SLC24A4: variants seen among roughly 807,000 people sequenced by gnomAD.
SLC24A4 encodes sodium/potassium/calcium exchanger 4.
A neutral mutation model predicts 79.0 loss-of-function variants in SLC24A4; 53 were observed. The ratio of observed to expected loss-of-function variants is 0.67; its 90% CI spans 0.54 to 0.84. The LOEUF is 0.84. Among genes scored for constraint, SLC24A4 ranks in the 40% least tolerant of loss-of-function variants. The pLI, the probability that SLC24A4 is intolerant of heterozygous loss-of-function variation, is 0.00. For synonymous variants in SLC24A4, 323 were observed against 323.8 expected (o/e 1.00, Z 0.03); for missense variants, 731 against 822.0 (o/e 0.89, Z 1.35).
chr14:92,326,090 G>A, intron 2 of SLC24A4, 112 bp downstream of exon 2: 1 of 656,146 alleles, frequency 1.5e-6, no homozygotes, highest in Admixed American at 2.6e-5. Context: ...TTATGGACTT[G>A]AGTGGGAAAG....
At chr14:92,325,453 C>T (rs866434344) in intron 1 of SLC24A4, among the ~76,000 whole-genome samples, 1 of 152,228 alleles carries the variant, frequency 6.6e-6, no homozygotes, top group Non-Finnish European at 1.5e-5. Context: ...GTGTGAGGAG[C>T]ACTGGGCCAG....
chr14:92,382,311 C>T (rs1168847637), intron 2 of SLC24A4, among the ~76,000 whole-genome samples: 1 of 152,162 alleles, frequency 6.6e-6, no homozygotes, highest in Admixed American at 6.5e-5. Flanking sequence ...GAAGTCAGAA[C>T]AGCCTTGCTC....
At chr14:92,397,835 A>G (rs1041638661) in intron 2 of SLC24A4, among the ~76,000 whole-genome samples, 3 of 152,240 alleles carry the variant, frequency 2.0e-5, no homozygotes, top group African/African-American at 7.2e-5. Context: ...TTTCCTACCA[A>G]TATTATTTTT....
At chr14:92,365,646 C>T (rs374908422) in intron 2 of SLC24A4, among the ~76,000 whole-genome samples, 1 of 152,178 alleles carries the variant, frequency 6.6e-6, no homozygotes, top group Non-Finnish European at 1.5e-5. Flanking sequence ...TTCCCCAGGG[C>T]CTGCGAGTCA....
chr14:92,427,499 C>T (rs184296116), intron 2 of SLC24A4, among the ~76,000 whole-genome samples: 2 of 152,352 alleles, frequency 1.3e-5, no homozygotes, highest in East Asian at 3.9e-4. Flanking sequence ...CTGTGGAAAA[C>T]AGGAAGGAGC....
chr14:92,382,159 C>A (rs1888891211), intron 2 of SLC24A4, among the ~76,000 whole-genome samples: 1 of 151,908 alleles, frequency 6.6e-6, no homozygotes. Flanking sequence ...TACATATATA[C>A]ACATATATAT....
At chr14:92,393,104 G>A (rs566672519) in intron 2 of SLC24A4, among the ~76,000 whole-genome samples, 29 of 150,768 alleles carry the variant, frequency 1.9e-4, no homozygotes, top group Middle Eastern at 3.4e-3. Flanking sequence ...CATAGGAGGC[G>A]TCATCTATGA....
At chr14:92,479,018 A>G (rs557660385) in intron 12 of SLC24A4, among the ~76,000 whole-genome samples, 4 of 152,204 alleles carry the variant, frequency 2.6e-5, no homozygotes, top group Non-Finnish European at 5.9e-5. Flanking sequence ...GAAAAACACA[A>G]CTGAATTTTG....
At chr14:92,381,759 G>A (rs1888864154) in intron 2 of SLC24A4, among the ~76,000 whole-genome samples, 2 of 84,916 alleles carry the variant, frequency 2.4e-5, no homozygotes, top group Admixed American at 1.3e-4. Flanking sequence ...CACCTGCAGA[G>A]CTTTAAAAAA....
At chr14:92,325,469 A>C (rs987562841) in intron 1 of SLC24A4, among the ~76,000 whole-genome samples, 12 of 152,226 alleles carry the variant, frequency 7.9e-5, no homozygotes, top group African/African-American at 2.9e-4. Context: ...GCCAGACCGC[A>C]TCAGCCTTGC....
intron 14 of SLC24A4, among the ~76,000 whole-genome samples, chr14:92,491,321 T>C (rs944378613): frequency 6.6e-6 from 1 of 152,182 alleles, no homozygotes; most frequent in Non-Finnish European, 1.5e-5. Context: ...AGTTTATTTT[T>C]ATTGTGAAGA....
chr14:92,347,163 A>T (rs868711222), intron 2 of SLC24A4, among the ~76,000 whole-genome samples: 1 of 152,140 alleles, frequency 6.6e-6, no homozygotes, highest in South Asian at 2.1e-4. Flanking sequence ...TCAATCTCCT[A>T]TTTCTTCCTC....
rs74073012 is a variant in SLC24A4 at position 92,389,790 on chromosome 14, C to T, written c.242-44122C>T. On this transcript the variant is annotated intron_variant, in intron 2 of 16. Coordinates refer to ENST00000532405, the MANE Select transcript of SLC24A4 (RefSeq NM_153646.4). ...TGGCCTTGTCCCTGCCCCCAAGCCC[C>T]AGGGGCCCGCCTGGCCTCATTAGCA... Among the ~76,000 whole-genome samples the T allele has an allele frequency of 8.4e-3, 1,279 of 152,290 alleles. 17 individuals are homozygous for T. Among genetic ancestry groups the T allele is most frequent in the African/African-American group, 0.029 (1,221 of 41,550 alleles).
rs938034583 is a variant in SLC24A4 at position 92,499,074 on chromosome 14, A to G, written c.*5446A>G. On this transcript the variant is annotated 3_prime_UTR_variant, in exon 17 of 17. Coordinates refer to ENST00000532405, the MANE Select transcript of SLC24A4 (RefSeq NM_153646.4). ...ATTTTATGGGGGTTTTAAACCTCCT[A>G]ACTTTTCAATGACAAATGGCTCCCA... 3.3e-5 allele frequency: 5 copies of G among 152,238 alleles called. No individual in the cohort carries two copies. The highest frequency in any genetic ancestry group is 7.3e-5 in the Non-Finnish European group (5 of 68,044). 9.4% of individuals were successfully genotyped at this position (152,238 alleles called of 1,614,324 possible). A position where few individuals can be genotyped will look rare whatever the true frequency, so the allele number is the denominator to read the frequency against.
intron 2 of SLC24A4, among the ~76,000 whole-genome samples, chr14:92,382,154 A>G (rs949115188): frequency 1.3e-5 from 2 of 152,126 alleles, no homozygotes; most frequent in African/African-American, 4.8e-5. Flanking sequence ...GTATATACAT[A>G]TATACACATA....
chr14:92,430,566 A>T (rs1455115615), intron 2 of SLC24A4, among the ~76,000 whole-genome samples: 2 of 152,214 alleles, frequency 1.3e-5, no homozygotes, highest in Non-Finnish European at 2.9e-5. Flanking sequence ...CCCTGCTCAC[A>T]GTCGAGGATG....
chr14:92,485,184 C>A (rs1405585169), intron 13 of SLC24A4, among the ~76,000 whole-genome samples: 1 of 152,216 alleles, frequency 6.6e-6, no homozygotes, highest in East Asian at 1.9e-4. Context: ...TCCCTAGAGA[C>A]TGGGTGTGGT....
At chr14:92,432,489 T>A (rs1410067562) in intron 2 of SLC24A4, among the ~76,000 whole-genome samples, 1 of 152,210 alleles carries the variant, frequency 6.6e-6, no homozygotes, top group Non-Finnish European at 1.5e-5. Context: ...CACTGAAATA[T>A]CCCAGCAGCT....
chr14:92,366,225 A>AT (rs909436775), intron 2 of SLC24A4, among the ~76,000 whole-genome samples: 2 of 152,136 alleles, frequency 1.3e-5, no homozygotes, highest in African/African-American at 4.8e-5. Flanking sequence ...ACCCGAACCA[A>AT]AGGCCAAGCC....
Sources: allele counts gnomAD v4.1 joint callset (sites outside exome capture counted in the v4.1 genomes callset), GRCh38; gene constraint gnomAD v4.1.1; transcripts MANE v1.5; gene names NCBI Gene and HGNC (gene_info 2026-07-23, HGNC 2026-07-21).